GRID1: variants seen among roughly 807,000 people sequenced by gnomAD.
The protein encoded by GRID1 is glutamate ionotropic receptor delta type subunit 1, also known as glutamate receptor ionotropic, delta-1.
Under a neutral mutation model 98.0 loss-of-function variants are expected in GRID1, and 28 were observed. The ratio of observed to expected loss-of-function variants is 0.29; its 90% confidence interval spans 0.21 to 0.39. GRID1 has a LOEUF of 0.39. Ranked by LOEUF, GRID1 falls within the 10% of genes least tolerant of loss-of-function variation. The pLI, the probability that GRID1 is intolerant of heterozygous loss-of-function variation, is 1.00. For synonymous variants in GRID1, 553 were observed against 538.5 expected (o/e 1.03, Z -0.37); for missense variants, 1,111 against 1,340.5 (o/e 0.83, Z 2.67).
chr10:85,829,949 G>GA (rs1842853172), intron 8 of GRID1, among the ~76,000 whole-genome samples: 1 of 152,050 alleles, frequency 6.6e-6, no homozygotes, highest in Non-Finnish European at 1.5e-5. Context: ...CACAGAATTG[G>GA]AAAAAACTAT....
intron 8 of GRID1, among the ~76,000 whole-genome samples, chr10:85,853,567 A>G (rs1843080265): frequency 6.6e-6 from 1 of 152,170 alleles, no homozygotes; most frequent in Non-Finnish European, 1.5e-5. Context: ...CTACACCATG[A>G]GTAGTCCCAT....
intron 5 of GRID1, 70 bp from the exon 6 acceptor site, chr10:85,869,250 G>T: frequency 7.2e-7 from 1 of 1,383,540 alleles, no homozygotes; most frequent in Non-Finnish European, 1.0e-6. Context: ...CTATCAGGAG[G>T]CATCTAGGCC....
intron 3 of GRID1, among the ~76,000 whole-genome samples, chr10:86,175,301 C>A (rs964354596): frequency 2.8e-5 from 4 of 144,842 alleles, no homozygotes; most frequent in African/African-American, 5.1e-5. Flanking sequence ...CACTTACTCC[C>A]AAAAGGCCAT....
chr10:85,921,287 G>A (rs772737371), intron 4 of GRID1, among the ~76,000 whole-genome samples: 8 of 152,224 alleles, frequency 5.3e-5, no homozygotes, highest in Non-Finnish European at 1.0e-4. Context: ...AGAAAAGTGT[G>A]CTGTTATAGG....
intron 4 of GRID1, among the ~76,000 whole-genome samples, chr10:86,113,215 C>T (rs1844516276): frequency 6.6e-6 from 1 of 152,172 alleles, no homozygotes; most frequent in Non-Finnish European, 1.5e-5. Context: ...CCAATGACTT[C>T]CCATCACACT....
chr10:85,659,497 C>A (rs1481256648), intron 12 of GRID1, among the ~76,000 whole-genome samples: 2 of 152,202 alleles, frequency 1.3e-5, no homozygotes, highest in South Asian at 2.1e-4. Flanking sequence ...TGGATCTGAG[C>A]AGTCAGCACT....
chr10:86,252,378 C>T (rs561435570), intron 2 of GRID1, among the ~76,000 whole-genome samples: 30 of 152,360 alleles, frequency 2.0e-4, no homozygotes, highest in African/African-American at 7.0e-4. Flanking sequence ...AGTTCATGTG[C>T]CTCCTGCTCT....
At chr10:85,975,725 C>G (rs950860796) in intron 4 of GRID1, among the ~76,000 whole-genome samples, 6 of 152,126 alleles carry the variant, frequency 3.9e-5, no homozygotes, top group African/African-American at 7.2e-5. Context: ...CAACTCAGCT[C>G]CAGGAGGCAA....
At chr10:85,755,699 C>A (rs563681127) in intron 8 of GRID1, among the ~76,000 whole-genome samples, 38 of 152,304 alleles carry the variant, frequency 2.5e-4, no homozygotes, top group African/African-American at 8.9e-4. Context: ...GCTCGGGCAC[C>A]CCTGGGCACT....
rs533745691 is a variant in GRID1 at position 85,619,628 on chromosome 10, T to C, written c.2360+239A>G. Among the ~76,000 whole-genome samples, 260 of 152,256 alleles carry C rather than the reference T, an allele frequency of 1.7e-3. No homozygotes were observed. The Middle Eastern group carries it at 0.024, about 14-fold the overall frequency. On this transcript the variant is annotated intron_variant, in intron 14 of 15. Transcript: ENST00000327946. ...TGCCATGTGCTAATATGCCCTAGGCTGGCATTACCTGCTCCTATCAGAGAT... is the reference window on the plus strand; with the variant it reads ...TGCCATGTGCTAATATGCCCTAGGCCGGCATTACCTGCTCCTATCAGAGAT...
intron 5 of GRID1, among the ~76,000 whole-genome samples, chr10:85,905,984 C>A (rs1841455239): frequency 6.6e-6 from 1 of 151,828 alleles, no homozygotes; most frequent in South Asian, 2.1e-4. Flanking sequence ...AATAGCAAGA[C>A]CTAAATAAGT....
At chr10:85,975,942 T>C (rs1842466819) in intron 4 of GRID1, among the ~76,000 whole-genome samples, 1 of 152,212 alleles carries the variant, frequency 6.6e-6, no homozygotes, top group Admixed American at 6.5e-5. Context: ...CATTTAGAAC[T>C]AGCGTGCCAT....
chr10:85,677,530 C>T (rs189301147), intron 12 of GRID1, among the ~76,000 whole-genome samples: 3 of 152,266 alleles, frequency 2.0e-5, no homozygotes, highest in Admixed American at 1.3e-4. Context: ...TTTTCAACAG[C>T]GTTGTGAAGA....
intron 11 of GRID1, 129 bp downstream of exon 11, chr10:85,724,223 T>C: frequency 1.5e-6 from 1 of 651,214 alleles, no homozygotes; most frequent in Non-Finnish European, 2.6e-6. Flanking sequence ...ATGACATTTG[T>C]ACTGTCCTAG....
intron 14 of GRID1, among the ~76,000 whole-genome samples, chr10:85,618,423 A>T: frequency 6.6e-6 from 1 of 152,130 alleles, no homozygotes. Context: ...AAGAACACCA[A>T]CGTGTTATAA....
At chr10:85,881,610 T>C (rs1329972421) in intron 5 of GRID1, among the ~76,000 whole-genome samples, 1 of 152,184 alleles carries the variant, frequency 6.6e-6, no homozygotes, top group Non-Finnish European at 1.5e-5. Context: ...TTACACCTTA[T>C]ACAAAAATTA....
In GRID1 at chr10:86,350,529, TTCCCTAAGCAA is replaced by T. The variant is rs145261612; in HGVS notation, c.235+13401_235+13411del. ...CCGGCTTGGCTGCCAGTCCTTCACA[TTCCCTAAGCAA>T]TCCCTGCTTCACTTTGCTTTCTGTG... On this transcript the variant is annotated intron_variant, in intron 2 of 15. Transcript: ENST00000327946. 2.3e-3 allele frequency among the ~76,000 whole-genome samples: 345 copies of T among 152,294 alleles called. 10 individuals carry two copies. The East Asian group carries it at 0.045, about 20-fold the overall frequency.
chr10:85,995,282 G>C (rs1842727623), intron 4 of GRID1, among the ~76,000 whole-genome samples: 1 of 152,218 alleles, frequency 6.6e-6, no homozygotes, highest in African/African-American at 2.4e-5. Context: ...TCTGGGTAGA[G>C]CAAGTGTCCT....
At chr10:85,873,574 C>T (rs530889505) in intron 5 of GRID1, among the ~76,000 whole-genome samples, 4 of 152,218 alleles carry the variant, frequency 2.6e-5, no homozygotes, top group Non-Finnish European at 5.9e-5. Flanking sequence ...ATATTACCCA[C>T]ATCTTGGTTG....
Sources: allele counts gnomAD v4.1 joint callset (sites outside exome capture counted in the v4.1 genomes callset), GRCh38; gene constraint gnomAD v4.1.1; transcripts MANE v1.5; gene names NCBI Gene and HGNC (gene_info 2026-07-23, HGNC 2026-07-21).